The following PHACTR1 variants were observed in gnomAD, a reference collection of about 807,000 sequenced individuals.
PHACTR1 encodes phosphatase and actin regulator 1.
PHACTR1 carries 16 observed loss-of-function variants against 69.2 expected under a neutral mutation model. The observed-to-expected ratio is 0.23, with a 90% CI of 0.16 to 0.35. PHACTR1 has a LOEUF of 0.35. Ranked by LOEUF, PHACTR1 falls within the 10% of genes least tolerant of loss-of-function variation. PHACTR1 has a pLI of 1.00. For missense variants in PHACTR1, 510 were observed against 734.7 expected (o/e 0.69, Z 3.54); for synonymous variants, 312 against 284.5 (o/e 1.10, Z -0.97).
chr6:12,815,172 A>G (rs1046975515), intron 4 of PHACTR1, among the ~76,000 whole-genome samples: 2 of 152,212 alleles, frequency 1.3e-5, no homozygotes, highest in African/African-American at 4.8e-5. Context: ...AAAAAATTTT[A>G]ACAACCTGTA....
intron 10 of PHACTR1, among the ~76,000 whole-genome samples, chr6:13,231,449 A>G (rs930986991): frequency 1.0e-5 from 1 of 99,584 alleles, no homozygotes; most frequent in African/African-American, 3.0e-5. Context: ...GGGAGGGAGG[A>G]AGGAAAGAAG....
chr6:12,923,742 T>C (rs578212619), intron 4 of PHACTR1, among the ~76,000 whole-genome samples: 4 of 152,358 alleles, frequency 2.6e-5, no homozygotes, highest in Admixed American at 2.6e-4. Flanking sequence ...GATTTGCTCT[T>C]TCCCTTTGCA....
chr6:12,933,710 G>GA (rs1562026207), intron 4 of PHACTR1: 2 of 1,612,778 alleles, frequency 1.2e-6, no homozygotes, highest in Admixed American at 3.3e-5. Flanking sequence ...TCTTGGGCTC[G>GA]AACTGTGTTC....
chr6:12,807,623 A>G (rs1448987612), intron 4 of PHACTR1, among the ~76,000 whole-genome samples: 1 of 152,224 alleles, frequency 6.6e-6, no homozygotes, highest in Non-Finnish European at 1.5e-5. Context: ...TCTTACAAAG[A>G]GCGGATAAGA....
chr6:13,283,773 C>A lies in PHACTR1; in HGVS notation c.1650+211C>A. ...CGGAGAAAACACAAGGCACATAATACTGTGCCCATTTTACAGGAGGAGGAG... is the reference window on the plus strand; with the variant it reads ...CGGAGAAAACACAAGGCACATAATAATGTGCCCATTTTACAGGAGGAGGAG... On this transcript the variant is annotated intron_variant, in intron 13 of 14. Transcript: ENST00000332995. This position sits in a 1 kb window ranked among gnomAD's most constrained non-coding sequence, Gnocchi z 4.7. 2 of 653,572 alleles carry A rather than the reference C, an allele frequency of 3.1e-6. No individual in the cohort carries two copies. Among genetic ancestry groups the A allele is most frequent in the Non-Finnish European group, 5.1e-6 (2 of 390,732 alleles). The allele number at this position is 653,572 out of a possible 1,614,324, so 40.5% of individuals were successfully genotyped here.
intron 4 of PHACTR1, among the ~76,000 whole-genome samples, chr6:12,790,678 A>G (rs1772160150): frequency 6.6e-6 from 1 of 152,224 alleles, no homozygotes; most frequent in African/African-American, 2.4e-5. Flanking sequence ...AAAAGAGGAT[A>G]TTATTAGAAG....
At chr6:12,725,615 C>T (rs537394545) in intron 3 of PHACTR1, among the ~76,000 whole-genome samples, 9 of 152,284 alleles carry the variant, frequency 5.9e-5, no homozygotes, top group East Asian at 5.8e-4. Flanking sequence ...GCTCTGAATC[C>T]GCAGGAGACT....
intron 7 of PHACTR1, among the ~76,000 whole-genome samples, chr6:13,193,048 A>G (rs1328099919): frequency 6.6e-6 from 1 of 152,114 alleles, no homozygotes; most frequent in African/African-American, 2.4e-5. Context: ...TTAGAACATG[A>G]CAGTCATCCA....
chr6:12,836,383 A>C (rs985664073), intron 4 of PHACTR1, among the ~76,000 whole-genome samples: 3 of 152,200 alleles, frequency 2.0e-5, no homozygotes, highest in Non-Finnish European at 2.9e-5. Context: ...AACCTAAAGA[A>C]ATCAAAGTCA....
At chr6:12,973,441 T>A in intron 4 of PHACTR1, among the ~76,000 whole-genome samples, 1 of 152,316 alleles carries the variant, frequency 6.6e-6, no homozygotes, top group Non-Finnish European at 1.5e-5. Context: ...ATAACTTTCA[T>A]ATGTTCAGCC....
rs565415209 is a variant in PHACTR1 at position 13,188,154 on chromosome 6, T to C, written c.664+5468T>C. On this transcript the variant is annotated intron_variant, in intron 7 of 14. Coordinates refer to ENST00000332995, the MANE Select transcript of PHACTR1 (RefSeq NM_030948.6). ...TGAATAAAAATACACAAAAAGCTAATATCCTTACTATGTAGTACCTGGTAA... is the reference window on the plus strand; with the variant it reads ...TGAATAAAAATACACAAAAAGCTAACATCCTTACTATGTAGTACCTGGTAA... Among the ~76,000 whole-genome samples the C allele has an allele frequency of 2.0e-4, 30 of 152,314 alleles. No homozygotes were observed. The South Asian group carries it at 4.3e-3, about 22-fold the overall frequency.
chr6:12,945,189 C>A (rs962872251), intron 4 of PHACTR1, among the ~76,000 whole-genome samples: 1 of 152,170 alleles, frequency 6.6e-6, no homozygotes, highest in African/African-American at 2.4e-5. Flanking sequence ...ATCTGACTAA[C>A]TCCTACTTCT....
intron 4 of PHACTR1, among the ~76,000 whole-genome samples, chr6:12,807,894 ATGT>A (rs1447702719): frequency 2.0e-5 from 3 of 152,196 alleles, no homozygotes; most frequent in African/African-American, 7.2e-5. Flanking sequence ...GTCTCGTAAA[ATGT>A]CGTTGCCCAA....
intron 5 of PHACTR1, among the ~76,000 whole-genome samples, chr6:13,122,932 G>GT (rs1287412726): frequency 6.6e-6 from 1 of 152,060 alleles, no homozygotes; most frequent in African/African-American, 2.4e-5. Flanking sequence ...CATATTCAGT[G>GT]TTTTTTGTTT....
chr6:13,259,753 C>A (rs560995452), intron 10 of PHACTR1, among the ~76,000 whole-genome samples: 1 of 152,108 alleles, frequency 6.6e-6, no homozygotes, highest in Non-Finnish European at 1.5e-5. Context: ...GGCCAGGATG[C>A]GGGCCTCAGG....
At chr6:13,284,821 C>G (rs771760147) in intron 13 of PHACTR1, among the ~76,000 whole-genome samples, 43 of 152,106 alleles carry the variant, frequency 2.8e-4, no homozygotes, top group Non-Finnish European at 3.4e-4. Flanking sequence ...CTGCACTTGG[C>G]TGGGACGGAA....
In PHACTR1 at chr6:13,017,835, T is replaced by C. The variant is rs567824128; in HGVS notation, c.251-35530T>C. Among the ~76,000 whole-genome samples the C allele has an allele frequency of 2.6e-5, 4 of 152,332 alleles. No individual in the cohort carries two copies. In the East Asian group the frequency reaches 7.7e-4, roughly 29 times the overall value. On this transcript the variant is annotated intron_variant, in intron 4 of 14. Transcript: ENST00000332995. ...AATATCTTGAAGCCTCTCAGTCTTATTTTGTAATGACACTTAAAAAGTAAT... is the reference window on the plus strand; with the variant it reads ...AATATCTTGAAGCCTCTCAGTCTTACTTTGTAATGACACTTAAAAAGTAAT...
At chr6:13,197,628 T>A (rs1320519211) in intron 7 of PHACTR1, among the ~76,000 whole-genome samples, 1 of 152,128 alleles carries the variant, frequency 6.6e-6, no homozygotes, top group African/African-American at 2.4e-5. Context: ...ACATGTGCCA[T>A]GTTGGTGTGC....
intron 10 of PHACTR1, among the ~76,000 whole-genome samples, chr6:13,253,501 A>G (rs416852): frequency 0.15 from 23,112 of 152,184 alleles, 2,322 homozygotes; most frequent in Admixed American, 0.26. Context: ...TATAGCAAAC[A>G]CCAGAACTTC....
Sources: allele counts gnomAD v4.1 joint callset (sites outside exome capture counted in the v4.1 genomes callset), GRCh38; gene constraint gnomAD v4.1.1; non-coding constraint Gnocchi (gnomAD v3.1); transcripts MANE v1.5; gene names NCBI Gene and HGNC (gene_info 2026-07-23, HGNC 2026-07-21).